The following EMID1 variants were observed in gnomAD, a reference collection of about 807,000 sequenced individuals.
The protein encoded by EMID1 is EMI domain-containing protein 1.
In EMID1, 40 loss-of-function variants were observed where a neutral mutation model predicts 60.6. That is an observed-to-expected ratio of 0.66 (90% CI 0.51 to 0.86). The LOEUF (loss-of-function observed/expected upper bound fraction) is 0.86. Among genes scored for constraint, EMID1 ranks in the 40% least tolerant of loss-of-function variants. The probability of loss-of-function intolerance (pLI) is 0.00; values close to 1 mark genes in which losing one functional copy is unlikely to be tolerated. For missense variants in EMID1, 585 were observed against 597.1 expected, an observed-to-expected ratio of 0.98 and a Z score of 0.21; for synonymous variants, 242 against 231.0, an observed-to-expected ratio of 1.05 and a Z score of -0.43.
At position 29,232,365 on chromosome 22, in the gene EMID1, C is replaced by T. The variant is rs770643528; in HGVS notation, c.786C>T (p.Ala262=). The T allele has an allele frequency of 1.2e-6, 2 of 1,601,534 alleles. No individual in the cohort carries two copies. Among genetic ancestry groups the T allele is most frequent in the East Asian group, 2.2e-5 (1 of 44,628 alleles). The change falls in exon 8 of 15, where the codon GCC becomes GCT. Residue 262 remains alanine (A), a synonymous_variant. Transcript: ENST00000334018. The part of the protein sequence containing the change: ...PGPPGPPGPP[A]PVGPPHARIS... ...CTCCTGGCCCCCCTGGGCCCCCAGC[C>T]CCTGTTGGGCCACCCCATGCCCGGA...
At position 29,258,919 on chromosome 22, in the gene EMID1, C is replaced by A. The variant is rs2041808595; in HGVS notation, c.1307C>A (p.Pro436His). The change falls in exon 15 of 15, where the codon CCC (proline) becomes CAC (histidine). Residue 436 changes from proline (P) to histidine (H), a missense_variant. By Grantham distance (77) the Pro-to-His change is moderately conservative (BLOSUM62 -2). Transcript: ENST00000334018. ...GCAACCAACTACCGGATCGTGGCCC[C>A]CAGGAGCCGGGACGAGAGAGGCTGA... ...GHATNYRIVA[P>H]RSRDERG 1 of 1,613,158 alleles carries A rather than the reference C, an allele frequency of 6.2e-7. No homozygotes were observed. The highest frequency in any genetic ancestry group is 1.7e-5 in the Admixed American group (1 of 59,948).
intron 3 of EMID1, among the ~76,000 whole-genome samples, chr22:29,223,547 C>A (rs915618689): frequency 1.3e-5 from 2 of 152,242 alleles, no homozygotes; most frequent in Non-Finnish European, 2.9e-5. Flanking sequence ...AGGTGCCCCC[C>A]ACCTCCACCA....
intron 1 of EMID1, among the ~76,000 whole-genome samples, chr22:29,213,291 T>C (rs996108132): frequency 6.6e-6 from 1 of 152,228 alleles, no homozygotes; most frequent in African/African-American, 2.4e-5. Flanking sequence ...TTCCCAGTTT[T>C]GTGCCATTTC....
Position 29,227,877 on chromosome 22 carries a change from C to T in EMID1, c.465+1326C>T, listed in dbSNP as rs990758164. Among the ~76,000 whole-genome samples, 15 of 151,818 alleles carry T rather than the reference C, an allele frequency of 9.9e-5. 1 individual carries two copies. In the East Asian group the frequency reaches 2.3e-3, roughly 24 times the overall value. The stretch of plus-strand genomic sequence containing the variant: ...AAAAATACAAAAAATTAGCCGGGGC[C>T]GAGTGCCGTGGCTCACGCCTGTAAT... On this transcript the variant is annotated intron_variant, in intron 5 of 14. Transcript: ENST00000334018.
At chr22:29,245,590 C>T (rs375865026) in intron 13 of EMID1, among the ~76,000 whole-genome samples, 1 of 152,346 alleles carries the variant, frequency 6.6e-6, no homozygotes, top group African/African-American at 2.4e-5. Flanking sequence ...GGGAACAGCT[C>T]TGTTGGGGAC....
chr22:29,223,623 C>T (rs1347595816), intron 3 of EMID1, among the ~76,000 whole-genome samples: 1 of 152,240 alleles, frequency 6.6e-6, no homozygotes, highest in Admixed American at 6.5e-5. Flanking sequence ...TTGGGACTGT[C>T]CCGTGGACAA....
At position 29,233,443 on chromosome 22, in the gene EMID1, G is replaced by A. The variant is rs140291776; in HGVS notation, c.888G>A (p.Gly296=). 6.1e-4 allele frequency: 983 copies of A among 1,614,160 alleles called. 7 individuals carry two copies. In the African/African-American group the frequency reaches 0.011, roughly 18 times the overall value. Residue 296 remains glycine (G), a synonymous_variant, in exon 9 of 15, where the codon GGG becomes GGA. Transcript: ENST00000334018. Reference sequence around the variant, plus strand: ...ACCACTGGCCCCAGGGACCCACTGGGCCTCCAGGCCCTCCAGGGCCCATGG... The same window carrying A: ...ACCACTGGCCCCAGGGACCCACTGGACCTCCAGGCCCTCCAGGGCCCATGG... The part of the protein sequence containing the change: ...TNNHWPQGPT[G]PPGPPGPMGP...
chr22:29,225,223 C>G lies in EMID1; in HGVS notation c.403+7C>G. On this transcript the variant is annotated splice_region_variant and intron_variant, in intron 4 of 14. Transcript: ENST00000334018. ...CGGCCCACAGCCTTCTCAGGTGGGT[C>G]CTGGGATAGCTTCTTGAGGTCCCCC... The G allele has an allele frequency of 6.2e-7, 1 of 1,613,030 alleles. No homozygotes were observed. Among genetic ancestry groups the G allele is most frequent in the Non-Finnish European group, 8.5e-7 (1 of 1,179,708 alleles).
At chr22:29,231,810 C>A in intron 7 of EMID1, 128 bp downstream of exon 7, 1 of 941,040 alleles carries the variant, frequency 1.1e-6, no homozygotes, top group Non-Finnish European at 1.5e-6. Flanking sequence ...ACTCAGCACC[C>A]CACCACGGAG....
chr22:29,232,519 A>G, intron 8 of EMID1, 117 bp downstream of exon 8: 2 of 1,184,772 alleles, frequency 1.7e-6, no homozygotes, highest in South Asian at 3.2e-5. Context: ...GATAGGCCAC[A>G]TGTGACCCAG....
intron 3 of EMID1, among the ~76,000 whole-genome samples, chr22:29,221,111 G>A (rs2040278435): frequency 8.7e-6 from 1 of 115,092 alleles, no homozygotes; most frequent in African/African-American, 3.6e-5. Context: ...GTGTGTGTGT[G>A]TGTGTGTGTG....
At chr22:29,258,762 G>A in intron 14 of EMID1, 55 bp from the exon 15 acceptor site, 1 of 1,600,728 alleles carries the variant, frequency 6.2e-7, no homozygotes, top group South Asian at 1.1e-5. Flanking sequence ...AAGGGGAGGT[G>A]GGCACCTCAC....
At chr22:29,257,681 G>C (rs2041750191) in intron 14 of EMID1, among the ~76,000 whole-genome samples, 1 of 152,210 alleles carries the variant, frequency 6.6e-6, no homozygotes, top group Non-Finnish European at 1.5e-5. Flanking sequence ...TAATAATCCA[G>C]CATTTCCCGT....
chr22:29,255,113 C>T (rs537479952), intron 14 of EMID1, among the ~76,000 whole-genome samples: 7 of 152,276 alleles, frequency 4.6e-5, no homozygotes, highest in South Asian at 4.1e-4. Flanking sequence ...CCTGTCCCCA[C>T]CATAGGAGGG....
intron 14 of EMID1, among the ~76,000 whole-genome samples, chr22:29,256,919 A>G (rs1248534015): frequency 6.6e-6 from 1 of 152,128 alleles, no homozygotes; most frequent in Non-Finnish European, 1.5e-5. Context: ...TAACTTCTAG[A>G]AACTTCAGTG....
chr22:29,225,872 T>C (rs132391), intron 4 of EMID1, among the ~76,000 whole-genome samples: 147,034 of 152,278 alleles, frequency 0.97, 70,997 homozygotes, highest in East Asian at 1. Context: ...GAATGACTCA[T>C]GTCATTCTCG....
intron 1 of EMID1, among the ~76,000 whole-genome samples, chr22:29,211,437 T>C (rs2146113041): frequency 6.6e-6 from 1 of 151,858 alleles, no homozygotes; most frequent in Middle Eastern, 3.4e-3. Flanking sequence ...TACATATGCC[T>C]ATGTGTGTGT....
chr22:29,233,330 CCACCCCACT>C, intron 8 of EMID1, 40 bp from the exon 9 acceptor site: 1 of 1,602,748 alleles, frequency 6.2e-7, no homozygotes, highest in Non-Finnish European at 8.5e-7. Context: ...TGAAGACTAA[CCACCCCACT>C]CTACCCAGCT....
intron 13 of EMID1, 22 bp downstream of exon 13, chr22:29,243,511 G>A: frequency 1.2e-6 from 2 of 1,613,836 alleles, no homozygotes; most frequent in Non-Finnish European, 1.7e-6. Context: ...CCTGGCACTG[G>A]CCTCTCCCTG....
Sources: allele counts gnomAD v4.1 joint callset (sites outside exome capture counted in the v4.1 genomes callset), GRCh38; gene constraint gnomAD v4.1.1; transcripts MANE v1.5; gene names NCBI Gene and HGNC (gene_info 2026-07-23, HGNC 2026-07-21).